Variants in ANKS1B observed in about 807,000 individuals in gnomAD.
ANKS1B encodes the protein ankyrin repeat and sterile alpha motif domain-containing protein 1B.
A neutral mutation model predicts 148.3 loss-of-function variants in ANKS1B; 36 were observed. The observed-to-expected ratio is 0.24, with a 90% confidence interval of 0.19 to 0.32. The LOEUF (loss-of-function observed/expected upper bound fraction) is 0.32, where lower values mean the gene tolerates loss of function less well. ANKS1B is among the 10% of genes least tolerant of loss of function. The pLI is 1.00. For missense variants in ANKS1B, 1,157 were observed against 1,542.6 expected (o/e 0.75, Z 4.19); for synonymous variants, 542 against 560.8 (o/e 0.97, Z 0.47).
At chr12:99,465,680 T>C (rs2096092334) in intron 10 of ANKS1B, among the ~76,000 whole-genome samples, 1 of 151,776 alleles carries the variant, frequency 6.6e-6, no homozygotes, top group African/African-American at 2.4e-5. Context: ...CCAACAAAGA[T>C]CAAAAGAGAC....
chr12:98,979,289 A>ATGGAGTCTCGCTCTGTCGCCCAGGC (rs2099904886), intron 17 of ANKS1B, among the ~76,000 whole-genome samples: 1 of 149,882 alleles, frequency 6.7e-6, no homozygotes, highest in South Asian at 2.1e-4. Context: ...TTTTTTTGAG[A>ATGGAGTCTCGCTCTGTCGCCCAGGC]TGGAGTCTCG....
At chr12:99,118,846 G>A (rs1024398790) in intron 15 of ANKS1B, among the ~76,000 whole-genome samples, 1 of 152,102 alleles carries the variant, frequency 6.6e-6, no homozygotes, top group Admixed American at 6.5e-5. Flanking sequence ...GGACTCAAGG[G>A]CTGGCAGGAG....
At chr12:99,914,859 G>A (rs1468988311) in intron 1 of ANKS1B, among the ~76,000 whole-genome samples, 1 of 151,998 alleles carries the variant, frequency 6.6e-6, no homozygotes, top group South Asian at 2.1e-4. Flanking sequence ...ACCTGACGGG[G>A]GTGCCTTCCT....
At chr12:99,468,603 A>G (rs1272525538) in intron 10 of ANKS1B, among the ~76,000 whole-genome samples, 1 of 152,200 alleles carries the variant, frequency 6.6e-6, no homozygotes, top group Admixed American at 6.5e-5. Flanking sequence ...GAACAAAACA[A>G]ACAACCCCAT....
chr12:99,718,904 T>C (rs1201050370), intron 8 of ANKS1B, among the ~76,000 whole-genome samples: 1 of 152,094 alleles, frequency 6.6e-6, no homozygotes, highest in African/African-American at 2.4e-5. Context: ...CAAGACCAAG[T>C]TTCATCCTCA....
intron 1 of ANKS1B, among the ~76,000 whole-genome samples, chr12:99,933,322 A>G (rs1295196955): frequency 6.6e-6 from 1 of 152,050 alleles, no homozygotes; most frequent in East Asian, 1.9e-4. Context: ...TTTGATAGGG[A>G]TTACATTGAA....
intron 14 of ANKS1B, among the ~76,000 whole-genome samples, chr12:99,175,463 T>G (rs1309372193): frequency 3.9e-5 from 6 of 152,248 alleles, no homozygotes; most frequent in African/African-American, 1.4e-4. Flanking sequence ...TTTTAAATAA[T>G]TTTGTGCATT....
At chr12:99,390,829 C>T (rs574947803) in intron 12 of ANKS1B, among the ~76,000 whole-genome samples, 1 of 152,346 alleles carries the variant, frequency 6.6e-6, no homozygotes, top group African/African-American at 2.4e-5. Context: ...GCCAACTGGA[C>T]TGCCCTGGGG....
chr12:98,990,540 C>A (rs1470891453), intron 17 of ANKS1B, among the ~76,000 whole-genome samples: 1 of 138,042 alleles, frequency 7.2e-6, no homozygotes, highest in African/African-American at 2.7e-5. Context: ...CAGCAAGAGT[C>A]AGGATGATAA....
At chr12:99,880,045 A>G (rs1476754345) in intron 1 of ANKS1B, among the ~76,000 whole-genome samples, 5 of 152,208 alleles carry the variant, frequency 3.3e-5, no homozygotes, top group Non-Finnish European at 7.3e-5. Flanking sequence ...AAGATGCATA[A>G]TCTTGCACAC....
chr12:99,076,319 G>A (rs1356834777), intron 16 of ANKS1B, among the ~76,000 whole-genome samples: 1 of 152,120 alleles, frequency 6.6e-6, no homozygotes, highest in Non-Finnish European at 1.5e-5. Flanking sequence ...GAAGGAAGAA[G>A]ATGAGAGAAT....
At chr12:98,982,889 A>G (rs2099913868) in intron 17 of ANKS1B, among the ~76,000 whole-genome samples, 1 of 152,224 alleles carries the variant, frequency 6.6e-6, no homozygotes, top group Non-Finnish European at 1.5e-5. Flanking sequence ...GTCAGATTAT[A>G]TACATAGGTG....
At chr12:99,536,604 T>C (rs1009948724) in intron 9 of ANKS1B, among the ~76,000 whole-genome samples, 5 of 152,042 alleles carry the variant, frequency 3.3e-5, no homozygotes, top group East Asian at 1.9e-4. Flanking sequence ...ATAAGAAATA[T>C]GAAATTTTTA....
chr12:99,917,430 C>T (rs181246060), intron 1 of ANKS1B, among the ~76,000 whole-genome samples: 21 of 152,270 alleles, frequency 1.4e-4, no homozygotes, highest in African/African-American at 4.8e-4. Context: ...AGCATATACT[C>T]CCTCTCACCA....
intron 8 of ANKS1B, among the ~76,000 whole-genome samples, chr12:99,690,938 T>C (rs1448045211): frequency 1.3e-5 from 2 of 152,168 alleles, no homozygotes; most frequent in African/African-American, 4.8e-5. Flanking sequence ...TCTGCCCCTG[T>C]AGCAAACTTC....
At chr12:99,001,988 T>G (rs1022754120) in intron 17 of ANKS1B, among the ~76,000 whole-genome samples, 1 of 152,216 alleles carries the variant, frequency 6.6e-6, no homozygotes, top group Non-Finnish European at 1.5e-5. Context: ...ATTTTCTTCT[T>G]TTTTTAAAGA....
intron 14 of ANKS1B, among the ~76,000 whole-genome samples, chr12:99,194,782 A>G (rs985493807): frequency 6.6e-6 from 1 of 152,138 alleles, no homozygotes; most frequent in African/African-American, 2.4e-5. Flanking sequence ...TTTACATGCA[A>G]TATATTAACA....
At chr12:99,115,432 C>A (rs7970246) in intron 15 of ANKS1B, among the ~76,000 whole-genome samples, 2 of 151,986 alleles carry the variant, frequency 1.3e-5, no homozygotes, top group Non-Finnish European at 2.9e-5. Context: ...AACTCATGAA[C>A]ACAAAGAAGA....
intron 10 of ANKS1B, among the ~76,000 whole-genome samples, chr12:99,464,259 C>T (rs1234396013): frequency 6.6e-6 from 1 of 152,160 alleles, no homozygotes; most frequent in East Asian, 1.9e-4. Context: ...AACTAACAAA[C>T]AGAAAGGACA....
Sources: allele counts gnomAD v4.1 joint callset (sites outside exome capture counted in the v4.1 genomes callset), GRCh38; gene constraint gnomAD v4.1.1; transcripts MANE v1.5; gene names NCBI Gene and HGNC (gene_info 2026-07-23, HGNC 2026-07-21).